Variants in VIT observed in about 807,000 individuals in gnomAD.
VIT encodes the protein vitrin.
VIT carries 99 observed loss-of-function variants against 78.0 expected under a neutral mutation model. The observed-to-expected ratio is 1.27, with a 90% CI of 1.08 to 1.50. The LOEUF is 1.50. VIT is among the 40% of genes most tolerant of loss of function. The pLI, the probability that VIT is intolerant of heterozygous loss-of-function variation, is 0.00. For missense variants in VIT, 1,126 were observed against 875.3 expected, an observed-to-expected ratio of 1.29 and a Z score of -3.61; for synonymous variants, 374 against 334.3, an observed-to-expected ratio of 1.12 and a Z score of -1.29.
intron 7 of VIT, among the ~76,000 whole-genome samples, chr2:36,770,410 A>G (rs572730182): frequency 6.6e-6 from 1 of 152,328 alleles, no homozygotes; most frequent in East Asian, 1.9e-4. Context: ...TAGCAGGAAG[A>G]CACAGGGGTT....
At chr2:36,718,270 G>C (rs372888301) in intron 2 of VIT, among the ~76,000 whole-genome samples, 1 of 152,112 alleles carries the variant, frequency 6.6e-6, no homozygotes, top group Admixed American at 6.5e-5. Context: ...TGTTCAGAGG[G>C]TGTGTACCTG....
intron 2 of VIT, among the ~76,000 whole-genome samples, chr2:36,721,621 G>C (rs532970148): frequency 2.0e-4 from 30 of 152,268 alleles, no homozygotes; most frequent in African/African-American, 7.0e-4. Context: ...CAAGTGTCTT[G>C]CTTGTGGAGC....
intron 8 of VIT, chr2:36,774,800 C>G (rs981135237): frequency 2.0e-6 from 2 of 985,300 alleles, no homozygotes; most frequent in East Asian, 1.1e-4. Context: ...GGAGCCCAAT[C>G]CATGGAGCAC....
chr2:36,794,494 G>A (rs1427783302), intron 12 of VIT, among the ~76,000 whole-genome samples: 5 of 152,146 alleles, frequency 3.3e-5, no homozygotes, highest in South Asian at 2.1e-4. Flanking sequence ...TCTCGGAAAA[G>A]GACACATATA....
intron 7 of VIT, among the ~76,000 whole-genome samples, chr2:36,768,531 C>T (rs979509178): frequency 6.6e-6 from 1 of 152,216 alleles, no homozygotes; most frequent in Non-Finnish European, 1.5e-5. Flanking sequence ...TCCGTAACAA[C>T]CCTATGAAGT....
intron 9 of VIT, among the ~76,000 whole-genome samples, chr2:36,779,648 C>G (rs1267595148): frequency 3.3e-5 from 5 of 152,122 alleles, no homozygotes; most frequent in Non-Finnish European, 7.4e-5. Flanking sequence ...CCAACAGGCC[C>G]CAGTACGTGC....
At chr2:36,763,222 C>G (rs1023731208) in intron 6 of VIT, among the ~76,000 whole-genome samples, 1 of 152,108 alleles carries the variant, frequency 6.6e-6, no homozygotes, top group Non-Finnish European at 1.5e-5. Context: ...GGCCCTGGAA[C>G]CTGCATTTTA....
chr2:36,780,748 C>T (rs576432800), intron 9 of VIT, among the ~76,000 whole-genome samples: 1 of 151,414 alleles, frequency 6.6e-6, no homozygotes, highest in Admixed American at 6.6e-5. Context: ...AAGCTGATAG[C>T]CTTTAAGAAA....
At chr2:36,722,001 T>C (rs1361173109) in intron 2 of VIT, among the ~76,000 whole-genome samples, 2 of 152,338 alleles carry the variant, frequency 1.3e-5, no homozygotes, top group East Asian at 1.9e-4. Flanking sequence ...CCACATATCA[T>C]AGGCACTCAA....
chr2:36,749,018 G>A (rs1285612140), intron 4 of VIT, among the ~76,000 whole-genome samples: 1 of 152,126 alleles, frequency 6.6e-6, no homozygotes, highest in Non-Finnish European at 1.5e-5. Flanking sequence ...GGGATGACTT[G>A]GAAGTCATGC....
rs756403184 is a variant in VIT at position 36,801,315 on chromosome 2, C to A, written c.1073C>A (p.Thr358Asn). ...GVVQYGDNPA[T>N]HFNLKTHTNS... ...TGACTCTTCAGAGACAACCCTGCTACTCACTTTAACCTCAAGACACACACG... is the reference window on the plus strand; with the variant it reads ...TGACTCTTCAGAGACAACCCTGCTAATCACTTTAACCTCAAGACACACACG... The change falls in exon 13 of 16, where the codon ACT becomes AAT. Residue 358 changes from threonine (T) to asparagine (N), a missense_variant. Transcript: ENST00000379242. 5 of 1,614,118 alleles carry A rather than the reference C, an allele frequency of 3.1e-6. No homozygotes were observed. Among genetic ancestry groups the A allele is most frequent in the Non-Finnish European group, 4.2e-6 (5 of 1,179,992 alleles).
rs927057909 is a variant in VIT, at chr2:36,755,028, G to A, written c.383G>A (p.Arg128Gln). The change falls in exon 5 of 16, where the codon CGA becomes CAA. Residue 128 changes from arginine to glutamine, a missense_variant. Transcript: ENST00000379242. ...SNGVQSLSLP[R>Q]WRESFIVLES... ...GGTGTCCAATCGTTATCCCTACCAC[G>A]ATGGAGAGAATCCTTTATCGTCTTA... The A allele has an allele frequency of 1.3e-5, 21 of 1,614,016 alleles. No homozygotes were observed. Among genetic ancestry groups the A allele is most frequent in the East Asian group, 2.2e-5 (1 of 44,882 alleles).
intron 1 of VIT, among the ~76,000 whole-genome samples, chr2:36,714,441 C>T (rs1217409871): frequency 6.6e-6 from 1 of 151,542 alleles, no homozygotes; most frequent in East Asian, 1.9e-4. Flanking sequence ...CAGATCAGGG[C>T]TTTTATCTCT....
intron 8 of VIT, chr2:36,774,784 TCTACAGGAGC>T (rs1179628744): frequency 1.0e-6 from 1 of 985,286 alleles, no homozygotes; most frequent in Non-Finnish European, 1.2e-6. Flanking sequence ...CTCGTGGGAC[TCTACAGGAGC>T]CCAATCCATG....
At chr2:36,788,840 T>A (rs1665283972) in intron 12 of VIT, among the ~76,000 whole-genome samples, 1 of 152,148 alleles carries the variant, frequency 6.6e-6, no homozygotes, top group Non-Finnish European at 1.5e-5. Context: ...GAAAATAAGA[T>A]GATAAATATG....
chr2:36,705,003 C>T (rs993371635), intron 1 of VIT, among the ~76,000 whole-genome samples: 8 of 152,152 alleles, frequency 5.3e-5, no homozygotes, highest in Non-Finnish European at 1.0e-4. Flanking sequence ...GCTCCAAATT[C>T]ACAGTAGACG....
chr2:36,759,292 A>G, intron 6 of VIT: 3 of 1,455,370 alleles, frequency 2.1e-6, no homozygotes, highest in Non-Finnish European at 2.7e-6. Context: ...TGTCATTTTC[A>G]TTCAGATTGA....
At chr2:36,717,347 T>C (rs189315731) in intron 2 of VIT, among the ~76,000 whole-genome samples, 47 of 112,032 alleles carry the variant, frequency 4.2e-4, no homozygotes, top group African/African-American at 1.8e-3. Flanking sequence ...TGTGTGTGTG[T>C]GTGTGTGTGT....
chr2:36,801,016 T>C (rs536176094), intron 12 of VIT, among the ~76,000 whole-genome samples: 1 of 152,222 alleles, frequency 6.6e-6, no homozygotes, highest in Non-Finnish European at 1.5e-5. Context: ...GCAATATGGG[T>C]GTTATAACGA....
Sources: allele counts gnomAD v4.1 joint callset (sites outside exome capture counted in the v4.1 genomes callset), GRCh38; gene constraint gnomAD v4.1.1; transcripts MANE v1.5; gene names NCBI Gene and HGNC (gene_info 2026-07-23, HGNC 2026-07-21).